Variants in NRG3 observed in about 807,000 individuals in gnomAD.
The protein encoded by NRG3 is neuregulin 3, also known as pro-neuregulin-3, membrane-bound isoform.
NRG3 carries 31 observed loss-of-function variants against 66.9 expected under a neutral mutation model. The ratio of observed to expected loss-of-function variants is 0.46; its 90% CI spans 0.35 to 0.63. The LOEUF is 0.63. Among genes scored for constraint, NRG3 ranks in the 20% least tolerant of loss-of-function variants. The pLI is 0.00. For missense variants in NRG3, 910 were observed against 878.9 expected (o/e 1.04, Z -0.45); for synonymous variants, 393 against 359.4 (o/e 1.09, Z -1.06).
chr10:81,982,361 A>C lies in NRG3; in HGVS notation c.823+106198A>C, dbSNP rs76891039. 8.3e-3 allele frequency among the ~76,000 whole-genome samples: 1,269 copies of C among 152,288 alleles called. 6 individuals are homozygous for C. The highest frequency in any genetic ancestry group is 0.022 in the African/African-American group (894 of 41,562). ...CATTTAATGTCCATGATTTTACAGAAAGTTTGTTCAAGGCAATCTAAGCTT... is the reference window on the plus strand; with the variant it reads ...CATTTAATGTCCATGATTTTACAGACAGTTTGTTCAAGGCAATCTAAGCTT... On this transcript the variant is annotated intron_variant, in intron 1 of 8. Transcript: ENST00000372141.
intron 2 of NRG3, among the ~76,000 whole-genome samples, chr10:82,569,938 C>T (rs2133103056): frequency 6.6e-6 from 1 of 151,662 alleles, no homozygotes; most frequent in Middle Eastern, 3.4e-3. Flanking sequence ...TGCAATTTTC[C>T]AGTGTTTATT....
chr10:82,660,228 A>C (rs1448739739), intron 2 of NRG3, among the ~76,000 whole-genome samples: 1 of 143,326 alleles, frequency 7.0e-6, no homozygotes, highest in African/African-American at 2.6e-5. Flanking sequence ...AAAAAAAAAA[A>C]AAAAAAACTG....
chr10:81,901,080 A>C (rs1844024964), intron 1 of NRG3, among the ~76,000 whole-genome samples: 1 of 152,208 alleles, frequency 6.6e-6, no homozygotes, highest in Admixed American at 6.5e-5. Flanking sequence ...TGAAGTCGGG[A>C]GCTCCAGATA....
chr10:82,416,011 T>C (rs564680268), intron 2 of NRG3, among the ~76,000 whole-genome samples: 1 of 152,338 alleles, frequency 6.6e-6, no homozygotes, highest in East Asian at 1.9e-4. Flanking sequence ...CTCTCAGTTC[T>C]TGTTATAGAT....
chr10:82,711,900 A>G (rs1371955527), intron 2 of NRG3, among the ~76,000 whole-genome samples: 1 of 152,242 alleles, frequency 6.6e-6, no homozygotes. Flanking sequence ...ACACACCTGC[A>G]GACACATAGA....
At chr10:82,343,246 T>C (rs1334010096) in intron 1 of NRG3, among the ~76,000 whole-genome samples, 1 of 152,122 alleles carries the variant, frequency 6.6e-6, no homozygotes, top group African/African-American at 2.4e-5. Flanking sequence ...ATCTGTGGCC[T>C]TGCTAAACAC....
chr10:82,456,853 T>G (rs2091290361), intron 2 of NRG3, among the ~76,000 whole-genome samples: 2 of 152,128 alleles, frequency 1.3e-5, no homozygotes, highest in South Asian at 4.2e-4. Context: ...CATGTCTAAG[T>G]GCTGAGGAAG....
intron 1 of NRG3, among the ~76,000 whole-genome samples, chr10:82,017,688 A>G (rs1282260061): frequency 1.3e-5 from 2 of 152,224 alleles, no homozygotes; most frequent in Non-Finnish European, 2.9e-5. Context: ...TCTGATGGCC[A>G]GTGATGATGA....
Position 82,985,583 on chromosome 10 carries a change from G to A in NRG3, c.2069G>A (p.Arg690Lys), listed in dbSNP as rs1445072341. 1.2e-6 allele frequency: 2 copies of A among 1,612,662 alleles called. No homozygotes were observed. The highest frequency in any genetic ancestry group is 1.7e-6 in the Non-Finnish European group (2 of 1,179,934). Reference protein sequence around the residue: ...AQFVLRNEIQRDSALTK With the variant: ...AQFVLRNEIQKDSALTK The stretch of plus-strand genomic sequence containing the variant: ...TTTGTCTTAAGAAATGAAATACAAA[G>A]AGACTCTGCATTGACCAAGTGACTT... The change falls in exon 9 of 9, where the codon AGA becomes AAA. Residue 690 changes from arginine (R) to lysine (K), a missense_variant. Physicochemically the swap from Arg to Lys is conservative, Grantham distance 26. Transcript: ENST00000372141.
intron 3 of NRG3, among the ~76,000 whole-genome samples, chr10:82,857,577 C>T (rs1050094573): frequency 7.2e-5 from 11 of 152,060 alleles, no homozygotes; most frequent in Non-Finnish European, 1.5e-4. Flanking sequence ...GATTTAGTCA[C>T]ATAAAACAGG....
rs375025580 is a variant in NRG3, at chr10:82,506,204, C to T, written c.953+147336C>T. On this transcript the variant is annotated intron_variant, in intron 2 of 8. Coordinates refer to ENST00000372141, the MANE Select transcript of NRG3 (RefSeq NM_001010848.4). ...CAGAGGTTGCAGTGAGTCGAGATTG[C>T]GCCACTGCACTCCAGCCTAAGCCAT... 9.5e-4 allele frequency among the ~76,000 whole-genome samples: 145 copies of T among 152,248 alleles called. 2 individuals are homozygous for T. Among genetic ancestry groups the T allele is most frequent in the Admixed American group, 4.4e-3 (68 of 15,288 alleles).
chr10:82,130,054 T>C (rs1334966419), intron 1 of NRG3, among the ~76,000 whole-genome samples: 1 of 152,076 alleles, frequency 6.6e-6, no homozygotes, highest in East Asian at 1.9e-4. Flanking sequence ...TCTCCATGCA[T>C]GCAATTGTTT....
chr10:82,981,767 G>A (rs1415309526), intron 8 of NRG3, among the ~76,000 whole-genome samples: 1 of 152,144 alleles, frequency 6.6e-6, no homozygotes, highest in African/African-American at 2.4e-5. Context: ...TGACAGCCAT[G>A]GTAATGGCTC....
intron 2 of NRG3, among the ~76,000 whole-genome samples, chr10:82,701,376 A>G (rs2055866622): frequency 6.6e-6 from 1 of 152,136 alleles, no homozygotes; most frequent in Non-Finnish European, 1.5e-5. Flanking sequence ...TCTGTCAGTC[A>G]AGTACTCCTG....
At chr10:82,668,224 A>G (rs774862053) in intron 2 of NRG3, among the ~76,000 whole-genome samples, 3 of 152,170 alleles carry the variant, frequency 2.0e-5, no homozygotes, top group Non-Finnish European at 4.4e-5. Context: ...AATGTCTAAA[A>G]TTAGCTAGGT....
At chr10:82,860,052 C>G (rs2064035152) in intron 3 of NRG3, among the ~76,000 whole-genome samples, 1 of 152,066 alleles carries the variant, frequency 6.6e-6, no homozygotes. Context: ...TCATTTGGTT[C>G]AATGTTGGGC....
chr10:82,010,765 T>G (rs1183068582), intron 1 of NRG3, among the ~76,000 whole-genome samples: 2 of 152,182 alleles, frequency 1.3e-5, no homozygotes, highest in African/African-American at 4.8e-5. Context: ...AGGTCTCTAT[T>G]CCTTTCTAAG....
chr10:82,416,703 A>C (rs1337945168), intron 2 of NRG3, among the ~76,000 whole-genome samples: 1 of 151,726 alleles, frequency 6.6e-6, no homozygotes, highest in Non-Finnish European at 1.5e-5. Context: ...GCCCCCACCC[A>C]CCCTGACCAT....
At chr10:82,796,880 T>C (rs1224457220) in intron 3 of NRG3, among the ~76,000 whole-genome samples, 1 of 151,990 alleles carries the variant, frequency 6.6e-6, no homozygotes, top group African/African-American at 2.4e-5. Context: ...GGAAGGAGAA[T>C]GAAAACAGAA....
Sources: allele counts gnomAD v4.1 joint callset (sites outside exome capture counted in the v4.1 genomes callset), GRCh38; gene constraint gnomAD v4.1.1; transcripts MANE v1.5; gene names NCBI Gene and HGNC (gene_info 2026-07-23, HGNC 2026-07-21).